The following EXOC6B variants were observed in gnomAD, a reference collection of about 807,000 sequenced individuals.
EXOC6B encodes SEC15 homolog B.
A neutral mutation model predicts 113.5 loss-of-function variants in EXOC6B; 54 were observed. The observed-to-expected ratio is 0.48, with a 90% CI of 0.38 to 0.60. The LOEUF (loss-of-function observed/expected upper bound fraction) is 0.60. Ranked by LOEUF, EXOC6B falls within the 20% of genes least tolerant of loss-of-function variation. EXOC6B has a pLI of 0.00. For missense variants in EXOC6B, 797 were observed against 977.5 expected (o/e 0.82, Z 2.46); for synonymous variants, 357 against 339.0 (o/e 1.05, Z -0.58).
chr2:72,635,249 G>A (rs942966925), intron 6 of EXOC6B, among the ~76,000 whole-genome samples: 1 of 151,986 alleles, frequency 6.6e-6, no homozygotes, highest in Admixed American at 6.6e-5. Context: ...ACAGGAAAAT[G>A]TTAGAGAAAA....
chr2:72,432,445 AT>A (rs1695596101), intron 18 of EXOC6B, among the ~76,000 whole-genome samples: 1 of 152,192 alleles, frequency 6.6e-6, no homozygotes, highest in African/African-American at 2.4e-5. Flanking sequence ...ATACCCAGTA[AT>A]GGCATTGCTG....
At chr2:72,607,967 A>G (rs909344810) in intron 6 of EXOC6B, among the ~76,000 whole-genome samples, 3 of 152,178 alleles carry the variant, frequency 2.0e-5, no homozygotes, top group Non-Finnish European at 4.4e-5. Context: ...GACAAAAAAC[A>G]AATGGGATAT....
intron 20 of EXOC6B, among the ~76,000 whole-genome samples, chr2:72,295,793 T>A (rs959809853): frequency 1.3e-5 from 2 of 152,198 alleles, no homozygotes; most frequent in African/African-American, 2.4e-5. Context: ...TATCACATTT[T>A]AAACTCCTTT....
intron 18 of EXOC6B, among the ~76,000 whole-genome samples, chr2:72,382,366 T>C (rs992936309): frequency 6.6e-6 from 1 of 152,142 alleles, no homozygotes; most frequent in African/African-American, 2.4e-5. Context: ...ATTTCTGGGC[T>C]CTCTATTTCA....
chr2:72,480,963 T>C (rs953127881), intron 16 of EXOC6B, among the ~76,000 whole-genome samples: 2 of 152,138 alleles, frequency 1.3e-5, no homozygotes, highest in Admixed American at 1.3e-4. Context: ...CCAAATCTCA[T>C]CTTGAATTGT....
intron 1 of EXOC6B, among the ~76,000 whole-genome samples, chr2:72,782,541 G>A (rs1003618520): frequency 8.5e-5 from 13 of 152,104 alleles, no homozygotes; most frequent in African/African-American, 2.7e-4. Flanking sequence ...AAAATTTCAA[G>A]TCCTCTGTTC....
intron 5 of EXOC6B, among the ~76,000 whole-genome samples, chr2:72,730,635 T>C (rs988779989): frequency 6.6e-6 from 1 of 150,806 alleles, no homozygotes; most frequent in Non-Finnish European, 1.5e-5. Context: ...ATTGGTTCTG[T>C]TTTTCTTAAG....
rs1245159333 is a variant in EXOC6B at position 72,731,178 on chromosome 2, T to G, written c.395A>C (p.Asp132Ala). 1 of 1,613,182 alleles carries G rather than the reference T, an allele frequency of 6.2e-7. No individual in the cohort carries two copies. The highest frequency in any genetic ancestry group is 1.3e-5 in the African/African-American group (1 of 74,928). ...ACCTGGAAGACACAGCATTAATTTA[T>G]CAACAGTGGCAGAAATATTTCTCTG... is the stretch of plus-strand genomic sequence containing the variant. ...LQQRNISATV[D>A]KLMLCLPVLE... The change falls in exon 4 of 22, where the codon GAT (aspartate) becomes GCT (alanine). Residue 132 changes from aspartate to alanine, a missense_variant. By Grantham distance (126) the Asp-to-Ala change is moderately radical. Coordinates refer to ENST00000272427, the MANE Select transcript of EXOC6B (RefSeq NM_015189.3).
intron 2 of EXOC6B, among the ~76,000 whole-genome samples, chr2:72,738,437 T>G (rs1681102391): frequency 6.6e-6 from 1 of 152,214 alleles, no homozygotes; most frequent in South Asian, 2.1e-4. Context: ...GTTTTAGTCT[T>G]CCTCATTTTT....
At chr2:72,638,136 G>T (rs930655798) in intron 6 of EXOC6B, among the ~76,000 whole-genome samples, 17 of 151,958 alleles carry the variant, frequency 1.1e-4, no homozygotes, top group African/African-American at 3.4e-4. Flanking sequence ...CAGAGAGAAG[G>T]TCCAAACAGA....
intron 6 of EXOC6B, among the ~76,000 whole-genome samples, chr2:72,640,339 C>A (rs895843181): frequency 1.3e-5 from 2 of 152,086 alleles, no homozygotes; most frequent in African/African-American, 4.8e-5. Flanking sequence ...AAGGAATAAA[C>A]AAAACCTCTA....
rs9678070 is a variant in EXOC6B, at chr2:72,293,502, T to G, written c.2196+41445A>C. Among the ~76,000 whole-genome samples, 395 of 152,234 alleles carry G rather than the reference T, an allele frequency of 2.6e-3. 1 individual carries two copies. The highest frequency in any genetic ancestry group is 8.9e-3 in the African/African-American group (371 of 41,558). On this transcript the variant is annotated intron_variant, in intron 20 of 21. Coordinates refer to ENST00000272427, the MANE Select transcript of EXOC6B (RefSeq NM_015189.3). ...AATGTTTCATTAGATGAATAATTGT[T>G]AAAAATGAGATAATTCCTAAGTAGA... is the stretch of plus-strand genomic sequence containing the variant.
chr2:72,665,033 G>A (rs965407574), intron 6 of EXOC6B, among the ~76,000 whole-genome samples: 4 of 152,210 alleles, frequency 2.6e-5, no homozygotes, highest in Non-Finnish European at 5.9e-5. Context: ...CACTGAAGAG[G>A]GGTGGGATGT....
intron 18 of EXOC6B, among the ~76,000 whole-genome samples, chr2:72,428,245 T>C (rs587744): frequency 0.35 from 53,658 of 152,166 alleles, 15,181 homozygotes; most frequent in African/African-American, 0.79. Context: ...ACACCCCTTG[T>C]TCGCCACGTT....
At chr2:72,765,136 T>A (rs2104917704) in intron 1 of EXOC6B, among the ~76,000 whole-genome samples, 1 of 150,830 alleles carries the variant, frequency 6.6e-6, no homozygotes, top group African/African-American at 2.4e-5. Context: ...GGAAGAAAAA[T>A]TTTTAAAAAA....
intron 20 of EXOC6B, among the ~76,000 whole-genome samples, chr2:72,236,271 G>A (rs1681952688): frequency 6.6e-6 from 1 of 152,140 alleles, no homozygotes; most frequent in Non-Finnish European, 1.5e-5. Context: ...TGGAGAATAG[G>A]GCAGTAATAT....
At chr2:72,504,140 T>A (rs1017006523) in intron 11 of EXOC6B, among the ~76,000 whole-genome samples, 2 of 152,184 alleles carry the variant, frequency 1.3e-5, no homozygotes, top group African/African-American at 4.8e-5. Context: ...ACTCCTGGAA[T>A]CAAGTGATCT....
intron 1 of EXOC6B, among the ~76,000 whole-genome samples, chr2:72,754,341 C>A (rs1292810956): frequency 2.6e-5 from 4 of 152,076 alleles, no homozygotes; most frequent in African/African-American, 7.2e-5. Flanking sequence ...AAATTCAATA[C>A]CATTTTTCTC....
rs1373266378 is a variant in EXOC6B, at chr2:72,574,361, T to C, written c.846+1131A>G. Among the ~76,000 whole-genome samples the C allele has an allele frequency of 2.0e-5, 3 of 152,138 alleles. No homozygotes were observed. In the East Asian group the frequency reaches 5.8e-4, roughly 29 times the overall value. On this transcript the variant is annotated intron_variant, in intron 7 of 21. Transcript: ENST00000272427. ...GAAGATAGAACAGAAACCAATGTTT[T>C]CTCACCACCCTTTAAGGAGCAGGGA... is the stretch of plus-strand genomic sequence containing the variant.
Sources: gnomAD v4.1 joint callset for allele counts (sites outside exome capture counted in the v4.1 genomes callset) on GRCh38, gnomAD v4.1.1 for gene constraint, MANE v1.5 for transcripts, NCBI Gene and HGNC (gene_info 2026-07-23, HGNC 2026-07-21) for gene names.